The following ARHGDIG variants were observed in gnomAD, a reference collection of about 807,000 sequenced individuals.
The protein encoded by ARHGDIG is rho GDP-dissociation inhibitor 3.
ARHGDIG carries 14 observed loss-of-function variants against 20.2 expected under a neutral mutation model. The ratio of observed to expected loss-of-function variants is 0.69; its 90% confidence interval spans 0.46 to 1.08. The LOEUF (loss-of-function observed/expected upper bound fraction) is 1.08, where lower values mean the gene tolerates loss of function less well. Ranked by LOEUF, ARHGDIG falls within the 50% of genes least tolerant of loss-of-function variation. The probability of loss-of-function intolerance (pLI) is 0.00; values close to 1 mark genes in which losing one functional copy is unlikely to be tolerated. For synonymous variants in ARHGDIG, 193 were observed against 138.6 expected, an observed-to-expected ratio of 1.39 and a Z score of -2.76; for missense variants, 311 against 301.8, an observed-to-expected ratio of 1.03 and a Z score of -0.23.
chr16:280,986 A>C lies in ARHGDIG; in HGVS notation c.73+233A>C, dbSNP rs867908262. 1 of 219,394 alleles carries C rather than the reference A, an allele frequency of 4.6e-6. No homozygotes were observed. The allele number at this position is 219,394 out of a possible 1,614,324, so 13.6% of individuals were successfully genotyped here. On this transcript the variant is annotated intron_variant, in intron 1 of 5. Transcript: ENST00000219409. The surrounding 1 kb of genome is among the most constrained non-coding windows in gnomAD (Gnocchi z 6.6). ...CGGCGCTGGGACCCTCTCCCCCTGG[A>C]CACCGCCGCCTGGAGCCCCTCTGTC... is the stretch of plus-strand genomic sequence containing the variant.
At position 282,352 on chromosome 16, in the gene ARHGDIG, CAG is replaced by C. The variant is rs1567248079; in HGVS notation, c.396_397del (p.Arg132SerfsTer46). 1 of 1,613,030 alleles carries C rather than the reference CAG, an allele frequency of 6.2e-7. No homozygotes were observed. On this transcript the variant is annotated frameshift_variant, in exon 4 of 6. Transcript: ENST00000219409. LOFTEE classifies it high-confidence loss of function. ...TTGTCCTGAAGGAAGGTGTTGATTA[CAG>C]AGTGAAGATCTCCTTCAAGGTGAGA... ...VFVLKEGVDY[R>X]VKISFKVHRE...
intron 1 of ARHGDIG, chr16:281,347 T>TG (rs397750550): frequency 3.7e-5 from 6 of 161,138 alleles, no homozygotes; most frequent in Non-Finnish European, 6.4e-5. Flanking sequence ...TCAGTAGGTT[T>TG]GGGGGCCGCC....
chr16:281,759 C>A lies in ARHGDIG; in HGVS notation c.87C>A (p.Asp29Glu). The change falls in exon 2 of 6, where the codon GAC (aspartate) becomes GAA (glutamate). Residue 29 changes from aspartate to glutamate, a missense_variant. Physicochemically the swap from Asp to Glu is conservative, Grantham distance 45 (BLOSUM62 2). Coordinates refer to ENST00000219409, the MANE Select transcript of ARHGDIG (RefSeq NM_001176.4). ...CCCCACCCCCAGTCCTCCTGGCTGA[C>A]AAGGAGGGTGGGCCGCCGGCAGTGG... The part of the protein sequence containing the change: ...LALCARVLLA[D>E]KEGGPPAVDE... 1 of 1,595,814 alleles carries A rather than the reference C, an allele frequency of 6.3e-7. No individual in the cohort carries two copies. The highest frequency in any genetic ancestry group is 8.5e-7 in the Non-Finnish European group (1 of 1,171,664).
At chr16:282,231 G>A in intron 3 of ARHGDIG, 66 bp from the exon 4 acceptor site, 1 of 1,608,448 alleles carries the variant, frequency 6.2e-7, no homozygotes. Context: ...CACCCTACGT[G>A]GGGGCTCCTG....
chr16:282,239 C>T (rs1224979197), intron 3 of ARHGDIG, 58 bp from the exon 4 acceptor site: 13 of 1,610,474 alleles, frequency 8.1e-6, no homozygotes, highest in Non-Finnish European at 1.1e-5. Context: ...GTGGGGGCTC[C>T]TGGAGCAGGT....
chr16:282,054 A>G lies in ARHGDIG; in HGVS notation c.283A>G (p.Arg95Gly). The change falls in exon 3 of 6, where the codon AGG (arginine) becomes GGG (glycine). Residue 95 changes from arginine to glycine, a missense_variant. Transcript: ENST00000219409. ...DPSLPNVQVT[R>G]LTLLSEQAPG... ...AAGCCTGCCCAATGTGCAGGTGACC[A>G]GGCTGACACTCCTGTCGGAACAGGC... 1 of 1,612,750 alleles carries G rather than the reference A, an allele frequency of 6.2e-7. No individual in the cohort carries two copies. Among genetic ancestry groups the G allele is most frequent in the Non-Finnish European group, 8.5e-7 (1 of 1,179,914 alleles).
Position 281,832 on chromosome 16 carries a change from A to G in ARHGDIG, c.160A>G (p.Lys54Glu). The G allele has an allele frequency of 1.9e-6, 3 of 1,611,788 alleles. No homozygotes were observed. Among genetic ancestry groups the G allele is most frequent in the Non-Finnish European group, 2.5e-6 (3 of 1,179,764 alleles). The change falls in exon 2 of 6, where the codon AAG (lysine) becomes GAG (glutamate). Residue 54 changes from lysine (K) to glutamate (E), a missense_variant. By Grantham distance (56) the Lys-to-Glu change is moderately conservative (BLOSUM62 1). Coordinates refer to ENST00000219409, the MANE Select transcript of ARHGDIG (RefSeq NM_001176.4). ...AVPEYRAPGR[K>E]SLLEIRQLDP... ...GCCCGAGTACCGGGCGCCGGGGAGG[A>G]AGAGCCTCTTGGAGATCCGGCAGCT...
rs779626119 is a variant in ARHGDIG, at chr16:281,825, G to C, written c.153G>C (p.Pro51=). 2.5e-6 allele frequency: 4 copies of C among 1,611,752 alleles called. No homozygotes were observed. Among genetic ancestry groups the C allele is most frequent in the African/African-American group, 1.3e-5 (1 of 74,918 alleles). The change falls in exon 2 of 6, where the codon CCG becomes CCC. Residue 51 remains proline (P), a synonymous_variant. Transcript: ENST00000219409. ...AGGCTGTGCCCGAGTACCGGGCGCC[G>C]GGGAGGAAGAGCCTCTTGGAGATCC... ...LDEAVPEYRA[P]GRKSLLEIRQ...
At position 282,917 on chromosome 16, in the gene ARHGDIG, T is replaced by G; in HGVS notation, c.*103T>G. The G allele has an allele frequency of 8.6e-7, 1 of 1,168,934 alleles. No homozygotes were observed. Among genetic ancestry groups the G allele is most frequent in the South Asian group, 1.5e-5 (1 of 65,950 alleles). The allele number at this position is 1,168,934 out of a possible 1,614,324, so 72.4% of individuals were successfully genotyped here. On this transcript the variant is annotated 3_prime_UTR_variant, in exon 6 of 6. Coordinates refer to ENST00000219409, the MANE Select transcript of ARHGDIG (RefSeq NM_001176.4). ...TGACCAGACCCTCCCCTGCTGCCCC[T>G]GCTGCCCCTGCTGCCCCTGCTCTGT... is the stretch of plus-strand genomic sequence containing the variant.
Position 280,713 on chromosome 16 carries a change from G to C in ARHGDIG, c.33G>C (p.Ala11=), listed in dbSNP as rs889263157. 56 of 1,272,166 alleles carry C rather than the reference G, an allele frequency of 4.4e-5. No homozygotes were observed. In the African/African-American group the frequency reaches 7.9e-4, roughly 18 times the overall value. 78.8% of individuals were successfully genotyped at this position (1,272,166 alleles called of 1,614,324 possible). The change falls in exon 1 of 6, where the codon GCG becomes GCC. Residue 11 remains alanine (A), a synonymous_variant. Transcript: ENST00000219409. This position sits in a 1 kb window ranked among gnomAD's most constrained non-coding sequence, Gnocchi z 6.6. The stretch of plus-strand genomic sequence containing the variant: ...GCCTGGACGCGTGCGAGCTGGGGGC[G>C]CAGCTGCTGGAGCTGCTCCGGCTGG... MLGLDACELG[A]QLLELLRLAL... is the part of the protein sequence containing the mutation.
Position 282,965 on chromosome 16 carries a change from C to T in ARHGDIG, c.*151C>T. ...TGTCCCGGGACCCCCTGGCCTGGCG[C>T]TGTCCCCTGAGCTGTCCCATTAAAC... On this transcript the variant is annotated 3_prime_UTR_variant, in exon 6 of 6. Coordinates refer to ENST00000219409, the MANE Select transcript of ARHGDIG (RefSeq NM_001176.4). 1.0e-6 allele frequency: 1 copy of T among 971,962 alleles called. No individual in the cohort carries two copies. Among genetic ancestry groups the T allele is most frequent in the Admixed American group, 2.9e-5 (1 of 35,068 alleles). 60.2% of individuals were successfully genotyped at this position (971,962 alleles called of 1,614,324 possible).
chr16:282,123 G>T lies in ARHGDIG; in HGVS notation c.337+15G>T. On this transcript the variant is annotated intron_variant, in intron 3 of 5. Coordinates refer to ENST00000219409, the MANE Select transcript of ARHGDIG (RefSeq NM_001176.4). Reference sequence around the variant, plus strand: ...GGATCTCACAGGTAACTCGCAGGATGCTGCACCCTGAACACAGGTAGGGCC... The same window carrying T: ...GGATCTCACAGGTAACTCGCAGGATTCTGCACCCTGAACACAGGTAGGGCC... 1 of 1,612,750 alleles carries T rather than the reference G, an allele frequency of 6.2e-7. No homozygotes were observed. The highest frequency in any genetic ancestry group is 8.5e-7 in the Non-Finnish European group (1 of 1,179,880).
At position 281,803 on chromosome 16, in the gene ARHGDIG, C is replaced by T. The variant is rs770390691; in HGVS notation, c.131C>T (p.Ala44Val). The T allele has an allele frequency of 1.6e-4, 256 of 1,611,540 alleles. No homozygotes were observed. Among genetic ancestry groups the T allele is most frequent in the Non-Finnish European group, 2.1e-4 (242 of 1,179,624 alleles). ...PPAVDEVLDE[A>V]VPEYRAPGRK... ...GCAGTGGACGAGGTGTTGGATGAGG[C>T]TGTGCCCGAGTACCGGGCGCCGGGG... Residue 44 changes from alanine (A) to valine (V), a missense_variant, in exon 2 of 6, where the codon GCT becomes GTT. Transcript: ENST00000219409.
chr16:281,299 G>T lies in ARHGDIG; in HGVS notation c.74-447G>T, dbSNP rs570906344. ...GCAGGGTGGTGGAGGGCCCTAGAGG[G>T]TCAGTAGGCTTGGGGGGCCGCCGAG... On this transcript the variant is annotated intron_variant, in intron 1 of 5. Transcript: ENST00000219409. 1.4e-3 allele frequency: 209 copies of T among 154,356 alleles called. 2 individuals carry two copies. The highest frequency in any genetic ancestry group is 3.9e-3 in the African/African-American group (121 of 30,916). The allele number at this position is 154,356 out of a possible 1,614,324, so 9.6% of individuals were successfully genotyped here. A position where few individuals can be genotyped will look rare whatever the true frequency, so the allele number is the denominator to read the frequency against.
chr16:282,900 CCCTCCCCTG>C lies in ARHGDIG; in HGVS notation c.*88_*96del, dbSNP rs1596938006. On this transcript the variant is annotated 3_prime_UTR_variant, in exon 6 of 6. Coordinates refer to ENST00000219409, the MANE Select transcript of ARHGDIG (RefSeq NM_001176.4). ...CCAGCACCCCCCGTGAGTGACCAGA[CCCTCCCCTG>C]CTGCCCCTGCTGCCCCTGCTGCCCC... The C allele has an allele frequency of 7.4e-7, 1 of 1,350,132 alleles. No homozygotes were observed. The allele number at this position is 1,350,132 out of a possible 1,614,324, so 83.6% of individuals were successfully genotyped here. A position where few individuals can be genotyped will look rare whatever the true frequency, so the allele number is the denominator to read the frequency against.
rs947307612 is a variant in ARHGDIG at position 280,859 on chromosome 16, C to A, written c.73+106C>A. 1 of 641,858 alleles carries A rather than the reference C, an allele frequency of 1.6e-6. No homozygotes were observed. The highest frequency in any genetic ancestry group is 2.1e-6 in the Non-Finnish European group (1 of 487,220). The allele number at this position is 641,858 out of a possible 1,614,324, so 39.8% of individuals were successfully genotyped here. A position where few individuals can be genotyped will look rare whatever the true frequency, so the allele number is the denominator to read the frequency against. On this transcript the variant is annotated intron_variant, in intron 1 of 5. Coordinates refer to ENST00000219409, the MANE Select transcript of ARHGDIG (RefSeq NM_001176.4). The surrounding 1 kb of genome is among the most constrained non-coding windows in gnomAD (Gnocchi z 6.6). ...GGGGGCGCGCATGGGGACCTCGCGGCGCCGACCCCCCGGCTGGGGTCTGGC... is the reference window on the plus strand; with the variant it reads ...GGGGGCGCGCATGGGGACCTCGCGGAGCCGACCCCCCGGCTGGGGTCTGGC...
At chr16:281,004 C>T (rs2052277242) in intron 1 of ARHGDIG, 1 of 208,428 alleles carries the variant, frequency 4.8e-6, no homozygotes, top group South Asian at 1.8e-4. Flanking sequence ...GCCTGGAGCC[C>T]CTCTGTCTTG....
chr16:282,544 T>TGGGGGAAAGGGGGGG lies in ARHGDIG; in HGVS notation c.478+19_478+20insAAAGGGGGGGGGGGG. 3.5e-6 allele frequency: 1 copy of TGGGGGAAAGGGGGGG among 289,520 alleles called. No homozygotes were observed. The highest frequency in any genetic ancestry group is 1.3e-4 in the African/African-American group (1 of 7,920). 17.9% of individuals were successfully genotyped at this position (289,520 alleles called of 1,614,324 possible). A position where few individuals can be genotyped will look rare whatever the true frequency, so the allele number is the denominator to read the frequency against. ...GGGGCCTGCGCGGTGAGGGCAGCGG[T>TGGGGGAAAGGGGGGG]GGGGGGAACGGGGCGGGGGGGGGAA... On this transcript the variant is annotated intron_variant, in intron 5 of 5. Coordinates refer to ENST00000219409, the MANE Select transcript of ARHGDIG (RefSeq NM_001176.4).
Position 281,828 on chromosome 16 carries a change from G to A in ARHGDIG, c.156G>A (p.Gly52=), listed in dbSNP as rs746605168. 2 of 1,611,840 alleles carry A rather than the reference G, an allele frequency of 1.2e-6. No homozygotes were observed. Among genetic ancestry groups the A allele is most frequent in the Admixed American group, 1.7e-5 (1 of 59,976 alleles). ...DEAVPEYRAP[G]RKSLLEIRQL... Reference sequence around the variant, plus strand: ...CTGTGCCCGAGTACCGGGCGCCGGGGAGGAAGAGCCTCTTGGAGATCCGGC... The same window carrying A: ...CTGTGCCCGAGTACCGGGCGCCGGGAAGGAAGAGCCTCTTGGAGATCCGGC... The change falls in exon 2 of 6, where the codon GGG becomes GGA. Residue 52 remains glycine (G), a synonymous_variant. Transcript: ENST00000219409.
Sources: gnomAD v4.1 joint callset for allele counts on GRCh38, gnomAD v4.1.1 for gene constraint, Gnocchi (gnomAD v3.1) non-coding constraint, MANE v1.5 for transcripts, NCBI Gene and HGNC (gene_info 2026-07-23, HGNC 2026-07-21) for gene names.